The following SOCS2 variants were observed in gnomAD, a reference collection of about 807,000 sequenced individuals.
The protein encoded by SOCS2 is suppressor of cytokine signaling 2.
SOCS2 carries 10 observed loss-of-function variants against 18.6 expected under a neutral mutation model. That is an observed-to-expected ratio of 0.54 (90% CI 0.33 to 0.91). The LOEUF is 0.91. SOCS2 is among the 40% of genes least tolerant of loss of function. The pLI is 0.02. For synonymous variants in SOCS2, 104 were observed against 104.0 expected, an observed-to-expected ratio of 1.00 and a Z score of 0.00; for missense variants, 231 against 247.2, an observed-to-expected ratio of 0.93 and a Z score of 0.44.
rs1592823946 is a variant in SOCS2, at chr12:93,572,859, C to T, written c.-39C>T. The T allele has an allele frequency of 1.9e-6, 3 of 1,558,478 alleles. No homozygotes were observed. Among genetic ancestry groups the T allele is most frequent in the Non-Finnish European group, 2.6e-6 (3 of 1,150,704 alleles). On this transcript the variant is annotated 5_prime_UTR_variant, in exon 1 of 2. Transcript: ENST00000551556. The surrounding 1 kb of genome is among the most constrained non-coding windows in gnomAD (Gnocchi z 5.0). ...CGCGAACCCTTCTCTGACCCCAGCT[C>T]GGGCGGCCACCTGTCTTTGCCGCGG...
At chr12:93,618,961 C>T in the SOCS2 span, among the ~76,000 whole-genome samples, 1 of 152,144 alleles carries the variant, frequency 6.6e-6, no homozygotes, top group African/African-American at 2.4e-5. Context: ...TGCAGGCACA[C>T]ACCAGCACAC....
chr12:93,597,052 G>A, the SOCS2 span, among the ~76,000 whole-genome samples: 2 of 152,188 alleles, frequency 1.3e-5, no homozygotes, highest in Non-Finnish European at 2.9e-5. Context: ...ATAGTACAGA[G>A]AAGGCCTGTG....
chr12:93,577,573 A>T (rs528280905), downstream of SOCS2, among the ~76,000 whole-genome samples: 1 of 151,886 alleles, frequency 6.6e-6, no homozygotes, highest in African/African-American at 2.4e-5. Flanking sequence ...ATTGCTGCTG[A>T]AAATTTCTAC....
At chr12:93,596,774 G>T in the SOCS2 span, among the ~76,000 whole-genome samples, 7 of 152,122 alleles carry the variant, frequency 4.6e-5, no homozygotes, top group Admixed American at 6.5e-5. Flanking sequence ...GTTGCAGTGA[G>T]CCAAGATTAC....
At chr12:93,595,588 T>C in the SOCS2 span, among the ~76,000 whole-genome samples, 6 of 152,220 alleles carry the variant, frequency 3.9e-5, no homozygotes, top group Non-Finnish European at 8.8e-5. Context: ...TTAAATCTGC[T>C]TTCATTCGTG....
chr12:93,572,765 T>C lies in SOCS2; in HGVS notation c.-133T>C. On this transcript the variant is annotated 5_prime_UTR_variant, in exon 1 of 2. Coordinates refer to ENST00000551556, the MANE Select transcript of SOCS2 (RefSeq NM_001270471.2). The surrounding 1 kb of genome is among the most constrained non-coding windows in gnomAD (Gnocchi z 5.0). Reference sequence around the variant, plus strand: ...TGGGGAGAAAGAGCCCCATCCCTTCTCTCTCTGCCACCATTTCGGACACCC... The same window carrying C: ...TGGGGAGAAAGAGCCCCATCCCTTCCCTCTCTGCCACCATTTCGGACACCC... The C allele has an allele frequency of 8.6e-7, 1 of 1,162,050 alleles. No individual in the cohort carries two copies. The highest frequency in any genetic ancestry group is 1.2e-6 in the Non-Finnish European group (1 of 801,830). 72.0% of individuals were successfully genotyped at this position (1,162,050 alleles called of 1,614,324 possible).
chr12:93,608,905 T>A, the SOCS2 span, among the ~76,000 whole-genome samples: 1 of 152,160 alleles, frequency 6.6e-6, no homozygotes. Flanking sequence ...TTCTCTAAAT[T>A]TGAATTTTCT....
At chr12:93,596,722 A>G in the SOCS2 span, among the ~76,000 whole-genome samples, 9 of 152,168 alleles carry the variant, frequency 5.9e-5, no homozygotes, top group Non-Finnish European at 1.3e-4. Flanking sequence ...CAGCTACTTG[A>G]GAGGCTGAGG....
At chr12:93,615,948 T>C in the SOCS2 span, among the ~76,000 whole-genome samples, 1 of 152,210 alleles carries the variant, frequency 6.6e-6, no homozygotes, top group African/African-American at 2.4e-5. Context: ...ATCCCTCTTA[T>C]TTTACAGATA....
At chr12:93,579,621 A>G (rs1055026040), downstream of SOCS2, among the ~76,000 whole-genome samples, 2 of 152,164 alleles carry the variant, frequency 1.3e-5, no homozygotes, top group South Asian at 2.1e-4. Context: ...CTTCATATGC[A>G]TGGTTCTTAT....
At chr12:93,570,170 C>T (rs1165018111), upstream of SOCS2, 1 of 152,306 alleles carries the variant, frequency 6.6e-6, no homozygotes, top group East Asian at 1.9e-4. Context: ...GAACCGAGGC[C>T]AGTCACCAAG....
At chr12:93,586,173 G>A (rs919212497), downstream of SOCS2, among the ~76,000 whole-genome samples, 8 of 152,106 alleles carry the variant, frequency 5.3e-5, no homozygotes, top group South Asian at 1.5e-3. Context: ...GTTTCTGAAT[G>A]ACCGGAAGTT....
chr12:93,602,432 A>T, the SOCS2 span, among the ~76,000 whole-genome samples: 1 of 152,274 alleles, frequency 6.6e-6, no homozygotes, highest in Admixed American at 6.5e-5. Context: ...TACACATGAA[A>T]ACCACACATA....
chr12:93,601,286 C>T, the SOCS2 span, among the ~76,000 whole-genome samples: 1 of 151,216 alleles, frequency 6.6e-6, no homozygotes, highest in African/African-American at 2.4e-5. Context: ...ATTATTATTA[C>T]TTTTTTGAGA....
At chr12:93,614,482 TC>T in the SOCS2 span, among the ~76,000 whole-genome samples, 61 of 20,328 alleles carry the variant, frequency 3.0e-3, 4 homozygotes, top group Middle Eastern at 0.024. Context: ...TTCCTTCCTT[TC>T]CTTCCTTCCT....
At chr12:93,625,943 A>G in the SOCS2 span, among the ~76,000 whole-genome samples, 1 of 151,976 alleles carries the variant, frequency 6.6e-6, no homozygotes, top group Non-Finnish European at 1.5e-5. Flanking sequence ...CTATCTTGTT[A>G]TTTTAAAGCA....
At chr12:93,598,967 A>T in the SOCS2 span, among the ~76,000 whole-genome samples, 21 of 152,194 alleles carry the variant, frequency 1.4e-4, no homozygotes, top group Non-Finnish European at 2.4e-4. Flanking sequence ...CTAGCTGTTT[A>T]TGAGAATTTC....
At chr12:93,601,916 T>C in the SOCS2 span, among the ~76,000 whole-genome samples, 4 of 152,182 alleles carry the variant, frequency 2.6e-5, 1 homozygote, top group South Asian at 6.2e-4. Flanking sequence ...TAAAAATATA[T>C]AGCAAAAGTA....
At chr12:93,605,680 T>C in the SOCS2 span, among the ~76,000 whole-genome samples, 1 of 152,196 alleles carries the variant, frequency 6.6e-6, no homozygotes, top group African/African-American at 2.4e-5. Flanking sequence ...ATTTCTATGG[T>C]ATGAATATCA....
Sources: gnomAD v4.1 joint callset for allele counts (sites outside exome capture counted in the v4.1 genomes callset) on GRCh38, gnomAD v4.1.1 for gene constraint, Gnocchi (gnomAD v3.1) non-coding constraint, MANE v1.5 for transcripts, NCBI Gene and HGNC (gene_info 2026-07-23, HGNC 2026-07-21) for gene names.